The following VSTM1 variants were observed in gnomAD, a reference collection of about 807,000 sequenced individuals.
The protein encoded by VSTM1 is V-set and transmembrane domain containing 1.
Under a neutral mutation model 33.1 loss-of-function variants are expected in VSTM1, and 27 were observed. The observed-to-expected ratio is 0.82, with a 90% confidence interval of 0.60 to 1.12. VSTM1 has a LOEUF of 1.12. VSTM1 is among the 50% of genes most tolerant of loss of function. The pLI, the probability that VSTM1 is intolerant of heterozygous loss-of-function variation, is 0.00. For synonymous variants in VSTM1, 115 were observed against 110.3 expected (o/e 1.04, Z -0.27); for missense variants, 304 against 288.9 (o/e 1.05, Z -0.38).
intron 3 of VSTM1, among the ~76,000 whole-genome samples, chr19:54,054,642 G>GATGGATGGATGT (rs1358665600): frequency 1.4e-5 from 2 of 141,056 alleles, no homozygotes; most frequent in African/African-American, 5.2e-5. Context: ...TGAATGGATG[G>GATGGATGGATGT]ATGGATGGAT....
rs751695110 is a variant in VSTM1 at position 54,041,948 on chromosome 19, C to G, written c.521G>C (p.Ser174Thr). ...CTCCTGCTCCGGAAGTTTGGAATGG[C>G]TGGTTCTGAAAGAGAGAGACACACG... ...SSSEESTKRTSHSKLPEQEAA... is the reference protein window; with the variant it reads ...SSSEESTKRTTHSKLPEQEAA... Residue 174 changes from serine to threonine, a missense_variant, in exon 7 of 9, where the codon AGC becomes ACC. Ser to Thr is a moderately conservative substitution (Grantham distance 58). Transcript: ENST00000338372. 4.3e-6 allele frequency: 7 copies of G among 1,614,072 alleles called. No individual in the cohort carries two copies. The South Asian group carries it at 7.7e-5, about 18-fold the overall frequency.
intron 3 of VSTM1, among the ~76,000 whole-genome samples, chr19:54,055,198 C>A (rs2071033674): frequency 7.1e-6 from 1 of 140,328 alleles, no homozygotes; most frequent in Admixed American, 7.3e-5. Flanking sequence ...TCTCTTAGCC[C>A]CACAATCCAT....
chr19:54,041,312 T>A (rs1258331447), intron 8 of VSTM1, among the ~76,000 whole-genome samples: 1 of 152,036 alleles, frequency 6.6e-6, no homozygotes, highest in Non-Finnish European at 1.5e-5. Flanking sequence ...TATTTATTTA[T>A]TTATTTTGGG....
In VSTM1 at chr19:54,042,179, A is replaced by G. The variant is rs1292302270; in HGVS notation, c.505T>C (p.Ser169Pro). The change falls in exon 6 of 9, where the codon TCC becomes CCC. Residue 169 changes from serine (S) to proline (P), a missense_variant. Transcript: ENST00000338372. ...CSQHSSSSEE[S>P]TKRTSHSKLP... ...ATGCCAAGCATCTACCTCTTGGTGG[A>G]TTCCTCAGATGATGAACCTACAAAA... is the stretch of plus-strand genomic sequence containing the variant. 3 of 1,614,020 alleles carry G rather than the reference A, an allele frequency of 1.9e-6. No individual in the cohort carries two copies. Among genetic ancestry groups the G allele is most frequent in the Non-Finnish European group, 2.5e-6 (3 of 1,179,988 alleles).
chr19:54,063,609 C>T, intron 1 of VSTM1, 135 bp downstream of exon 1: 1 of 1,134,554 alleles, frequency 8.8e-7, no homozygotes, highest in Non-Finnish European at 1.3e-6. Flanking sequence ...AACCCACAGC[C>T]CAGACCCACC....
At position 54,041,010 on chromosome 19, in the gene VSTM1, G is replaced by A; in HGVS notation, c.662C>T (p.Thr221Ile). 2 of 1,610,046 alleles carry A rather than the reference G, an allele frequency of 1.2e-6. No homozygotes were observed. Among genetic ancestry groups the A allele is most frequent in the Non-Finnish European group, 1.7e-6 (2 of 1,178,728 alleles). The change falls in exon 9 of 9, where the codon ACC (threonine) becomes ATC (isoleucine). Residue 221 changes from threonine to isoleucine, a missense_variant. By Grantham distance (89) the Thr-to-Ile change is moderately conservative (BLOSUM62 -1). Coordinates refer to ENST00000338372, the MANE Select transcript of VSTM1 (RefSeq NM_198481.4). ...TSALSEAASD[T>I]TQEPPGSHEY... is the part of the protein sequence containing the mutation. ...ATGAGATCCTGGGGGCTCCTGGGTGGTGTCTGAAGCTGCCTCAGACAGGGC... is the reference window on the plus strand; with the variant it reads ...ATGAGATCCTGGGGGCTCCTGGGTGATGTCTGAAGCTGCCTCAGACAGGGC...
chr19:54,043,946 A>G (rs1404084608), intron 4 of VSTM1, among the ~76,000 whole-genome samples: 1 of 152,020 alleles, frequency 6.6e-6, no homozygotes, highest in African/African-American at 2.4e-5. Context: ...AGATGTGCCA[A>G]TGGGTTCCCA....
intron 3 of VSTM1, among the ~76,000 whole-genome samples, chr19:54,058,074 A>G (rs1568476879): frequency 6.6e-6 from 1 of 151,552 alleles, no homozygotes; most frequent in African/African-American, 2.4e-5. Flanking sequence ...CCCCATCTCT[A>G]CTAAAAACAC....
At chr19:54,051,703 T>C (rs1183622375) in intron 3 of VSTM1, among the ~76,000 whole-genome samples, 1 of 152,138 alleles carries the variant, frequency 6.6e-6, no homozygotes, top group Admixed American at 6.6e-5. Context: ...TAACGCCCCC[T>C]CCAGTTTGAT....
chr19:54,052,124 C>A (rs147310611), intron 3 of VSTM1, among the ~76,000 whole-genome samples: 3 of 151,984 alleles, frequency 2.0e-5, no homozygotes, highest in Non-Finnish European at 2.9e-5. Flanking sequence ...CTTGGCCGGG[C>A]GCAGTGGCTC....
chr19:54,042,841 T>TATATATATATATAC (rs2070388780), intron 4 of VSTM1, among the ~76,000 whole-genome samples: 10 of 96,380 alleles, frequency 1.0e-4, no homozygotes, highest in East Asian at 2.4e-4. Context: ...TATATATACA[T>TATATATATATATAC]ATATATATAT....
intron 4 of VSTM1, 87 bp from the exon 5 acceptor site, chr19:54,042,456 C>G: frequency 6.6e-7 from 1 of 1,504,780 alleles, no homozygotes; most frequent in Non-Finnish European, 8.9e-7. Context: ...AGAAGCCAGA[C>G]AGATGGCCTG....
At chr19:54,045,518 C>T (rs557173747) in intron 4 of VSTM1, among the ~76,000 whole-genome samples, 2 of 152,236 alleles carry the variant, frequency 1.3e-5, no homozygotes, top group African/African-American at 4.8e-5. Flanking sequence ...TCCATCCTAT[C>T]ATATCTAATT....
chr19:54,047,465 T>C (rs563152646), intron 4 of VSTM1, among the ~76,000 whole-genome samples: 1 of 152,194 alleles, frequency 6.6e-6, no homozygotes, highest in South Asian at 2.1e-4. Flanking sequence ...GCTAATTTTT[T>C]ATATTTCTAG....
intron 1 of VSTM1, 31 bp downstream of exon 1, chr19:54,063,713 A>G: frequency 1.2e-6 from 2 of 1,613,308 alleles, no homozygotes; most frequent in Non-Finnish European, 1.7e-6. Flanking sequence ...TCACCAGCCC[A>G]AGCCCATTCG....
At chr19:54,046,268 C>T (rs1600118913) in intron 4 of VSTM1, among the ~76,000 whole-genome samples, 1 of 152,150 alleles carries the variant, frequency 6.6e-6, no homozygotes, top group East Asian at 1.9e-4. Flanking sequence ...CATCAGGGAG[C>T]AGCAAAAGGA....
intron 4 of VSTM1, 148 bp from the exon 5 acceptor site, chr19:54,042,517 G>T (rs1272781999): frequency 6.5e-6 from 8 of 1,240,154 alleles, no homozygotes; most frequent in South Asian, 1.6e-5. Flanking sequence ...CTATTGCTTT[G>T]GGGAATTTCC....
chr19:54,059,131 G>C (rs1348414188), intron 1 of VSTM1, among the ~76,000 whole-genome samples: 1 of 143,576 alleles, frequency 7.0e-6, no homozygotes, highest in Non-Finnish European at 1.5e-5. Context: ...CATGATCTCA[G>C]TTCACTGCAA....
At chr19:54,054,369 C>T (rs1188969534) in intron 3 of VSTM1, among the ~76,000 whole-genome samples, 1 of 142,428 alleles carries the variant, frequency 7.0e-6, no homozygotes, top group African/African-American at 2.6e-5. Flanking sequence ...AAATCAATAT[C>T]AAAGTGATGA....
Sources: allele counts gnomAD v4.1 joint callset (sites outside exome capture counted in the v4.1 genomes callset), GRCh38; gene constraint gnomAD v4.1.1; transcripts MANE v1.5; gene names NCBI Gene and HGNC (gene_info 2026-07-23, HGNC 2026-07-21).